Variants in AHDC1 observed in about 807,000 individuals in gnomAD.
AHDC1 encodes transcription factor Gibbin.
Under a neutral mutation model 87.9 loss-of-function variants are expected in AHDC1, and 7 were observed. The ratio of observed to expected loss-of-function variants is 0.08; its 90% CI spans 0.05 to 0.15. The LOEUF (loss-of-function observed/expected upper bound fraction) is 0.15. Among genes scored for constraint, AHDC1 ranks in the 10% least tolerant of loss-of-function variants. The pLI is 1.00. For synonymous variants in AHDC1, 1,051 were observed against 1,006.8 expected (o/e 1.04, Z -0.83); for missense variants, 1,841 against 2,253.2 (o/e 0.82, Z 3.70).
Position 27,549,087 on chromosome 1 carries a change from G to T in AHDC1, c.3029C>A (p.Ala1010Asp), listed in dbSNP as rs1437054566. Residue 1010 changes from alanine to aspartate, a missense_variant, in exon 8 of 9, where the codon GCC (alanine) becomes GAC (aspartate). Ala to Asp is a moderately radical substitution (Grantham distance 126). Around this residue, in one of 13 missense-constraint regions of AHDC1, gnomAD observed 378 missense variants for 399.0 expected, o/e 0.95. Transcript: ENST00000673934. Reference sequence around the variant, plus strand: ...GGCGCTGTGGGCGCTGCTGGGTGAGGCAGGGAGGCTGTTGCCACTGCCATA... The same window carrying T: ...GGCGCTGTGGGCGCTGCTGGGTGAGTCAGGGAGGCTGTTGCCACTGCCATA... ...FAYGSGNSLPASPSSAHSAGY... is the reference protein window; with the variant it reads ...FAYGSGNSLPDSPSSAHSAGY... 1.3e-6 allele frequency: 2 copies of T among 1,557,142 alleles called. No individual in the cohort carries two copies. Among genetic ancestry groups the T allele is most frequent in the Non-Finnish European group, 8.7e-7 (1 of 1,150,942 alleles).
intron 3 of AHDC1, among the ~76,000 whole-genome samples, chr1:27,587,816 C>T (rs147921638): frequency 4.9e-4 from 74 of 152,298 alleles, no homozygotes; most frequent in African/African-American, 1.7e-3. Context: ...CCTTGCACGA[C>T]GAACCTTGCT....
In AHDC1 at chr1:27,549,766, C is replaced by A. The variant is rs753810195; in HGVS notation, c.2350G>T (p.Gly784Cys). The stretch of plus-strand genomic sequence containing the variant: ...CCACAGTTTCGGCCAGCTTGTCCGC[C>A]TGGGTGCCCATGGTGAGGGGCCCAG... Reference protein sequence around the residue: ...GGWAPHHGHPGGQAGRNCGFQ... With the variant: ...GGWAPHHGHPCGQAGRNCGFQ... Residue 784 changes from glycine to cysteine, a missense_variant, in exon 8 of 9, where the codon GGC becomes TGC. Physicochemically the swap from Gly to Cys is radical, Grantham distance 159 (BLOSUM62 -3). This residue lies in a region of AHDC1 where 236 missense variants were observed against 257.9 expected (regional missense o/e 0.92). Coordinates refer to ENST00000673934, the MANE Select transcript of AHDC1 (RefSeq NM_001371928.1). The A allele has an allele frequency of 2.5e-6, 4 of 1,613,260 alleles. No individual in the cohort carries two copies. Among genetic ancestry groups the A allele is most frequent in the Non-Finnish European group, 8.5e-7 (1 of 1,179,964 alleles).
Position 27,558,785 on chromosome 1 carries a change from G to C in AHDC1, c.-530C>G, listed in dbSNP as rs1008578911. On this transcript the variant is annotated 5_prime_UTR_variant, in exon 4 of 9. Transcript: ENST00000673934. The surrounding 1 kb of genome is among the most constrained non-coding windows in gnomAD (Gnocchi z 5.6). Reference sequence around the variant, plus strand: ...GCATCTCCAGGGTGGTCTCTGCAACGGCCTGAGCGTCGCCCCGCACTCGGG... The same window carrying C: ...GCATCTCCAGGGTGGTCTCTGCAACCGCCTGAGCGTCGCCCCGCACTCGGG... The C allele has an allele frequency of 5.0e-6, 2 of 398,516 alleles. No homozygotes were observed. Among genetic ancestry groups the C allele is most frequent in the South Asian group, 1.3e-4 (1 of 7,852 alleles). The allele number at this position is 398,516 out of a possible 1,614,324, so 24.7% of individuals were successfully genotyped here. A position where few individuals can be genotyped will look rare whatever the true frequency, so the allele number is the denominator to read the frequency against.
rs756186545 is a variant in AHDC1 at position 27,551,280 on chromosome 1, T to G, written c.836A>C (p.Gln279Pro). ...PEPEPQLLDP[Q>P]PRFLDPQALE... ...TGCCTGCGGGTCCAGGAAGCGGGGCTGGGGGTCCAGGAGCTGAGGCTCCGG... is the reference window on the plus strand; with the variant it reads ...TGCCTGCGGGTCCAGGAAGCGGGGCGGGGGGTCCAGGAGCTGAGGCTCCGG... The change falls in exon 8 of 9, where the codon CAG becomes CCG. Residue 279 changes from glutamine (Q) to proline (P), a missense_variant. This residue lies in a region of AHDC1 where 370 missense variants were observed against 391.5 expected (regional missense o/e 0.95). Coordinates refer to ENST00000673934, the MANE Select transcript of AHDC1 (RefSeq NM_001371928.1). The G allele has an allele frequency of 6.2e-7, 1 of 1,610,724 alleles. No individual in the cohort carries two copies. The highest frequency in any genetic ancestry group is 1.1e-5 in the South Asian group (1 of 91,008).
chr1:27,539,480 C>T (rs1322135296), intron 8 of AHDC1, among the ~76,000 whole-genome samples: 2 of 151,260 alleles, frequency 1.3e-5, no homozygotes, highest in Non-Finnish European at 2.9e-5. Flanking sequence ...GAGTCTTGCT[C>T]TGTTGCCCAG....
At chr1:27,587,743 C>A (rs956115058) in intron 3 of AHDC1, among the ~76,000 whole-genome samples, 8 of 152,182 alleles carry the variant, frequency 5.3e-5, no homozygotes, top group African/African-American at 1.4e-4. Flanking sequence ...CAAGTGATAA[C>A]TGACAATAAT....
Position 27,550,060 on chromosome 1 carries a change from A to G in AHDC1, c.2056T>C (p.Ser686Pro). The G allele has an allele frequency of 6.2e-7, 1 of 1,606,720 alleles. No individual in the cohort carries two copies. The highest frequency in any genetic ancestry group is 8.5e-7 in the Non-Finnish European group (1 of 1,175,792). ...AAGTCACTGAAGGAGCATCGGGCTG[A>G]CTTGGCCGCATGGCCCCCACCCCGG... ...GGRGGGHAAK[S>P]ARCSFSDFFE... is the part of the protein sequence containing the mutation. The change falls in exon 8 of 9, where the codon TCA (serine) becomes CCA (proline). Residue 686 changes from serine to proline, a missense_variant. By Grantham distance (74) the Ser-to-Pro change is moderately conservative. Around this residue, in one of 13 missense-constraint regions of AHDC1, gnomAD observed 236 missense variants for 257.9 expected, o/e 0.92. Coordinates refer to ENST00000673934, the MANE Select transcript of AHDC1 (RefSeq NM_001371928.1).
chr1:27,566,650 G>A (rs936815309), intron 3 of AHDC1, among the ~76,000 whole-genome samples: 7 of 138,504 alleles, frequency 5.1e-5, no homozygotes, highest in Admixed American at 5.0e-4. Context: ...GGGGGGAACA[G>A]CAGTAGGCAG....
rs370786800 is a variant in AHDC1, at chr1:27,538,400, C to CAAAAAAAAAAAAAAAAAAAA, written c.*44-3485_*44-3484insTTTTTTTTTTTTTTTTTTTT. 6.6e-3 allele frequency among the ~76,000 whole-genome samples: 400 copies of CAAAAAAAAAAAAAAAAAAAA among 60,546 alleles called. 8 individuals are homozygous for CAAAAAAAAAAAAAAAAAAAA. The highest frequency in any genetic ancestry group is 0.011 in the Non-Finnish European group (312 of 27,466). 39.7% of individuals were successfully genotyped at this position (60,546 alleles called of 152,430 possible). On this transcript the variant is annotated intron_variant, in intron 8 of 8. Coordinates refer to ENST00000673934, the MANE Select transcript of AHDC1 (RefSeq NM_001371928.1). ...CCTGGGTGACAGAGCAAGACTGTCT[C>CAAAAAAAAAAAAAAAAAAAA]AAAAAAAAAAAAAAAAAACCAGAAA...
chr1:27,596,753 C>T (rs534179661), intron 3 of AHDC1, among the ~76,000 whole-genome samples: 12 of 152,136 alleles, frequency 7.9e-5, no homozygotes, highest in Non-Finnish European at 1.6e-4. Context: ...ATCACACATA[C>T]CCCACCCTGC....
intron 8 of AHDC1, among the ~76,000 whole-genome samples, chr1:27,545,918 G>A (rs1020040973): frequency 4.6e-5 from 7 of 152,154 alleles, no homozygotes; most frequent in Admixed American, 1.3e-4. Context: ...TGGTCCTCCC[G>A]GAGGCCTCCG....
In AHDC1 at chr1:27,598,418, C is replaced by T. The variant is rs1571352501; in HGVS notation, c.-629+4979G>A. ...GATCCTTGATGCCCACCTTCCTCATCCCCTGGCCAATGGAAGAGATGCTGG... is the reference window on the plus strand; with the variant it reads ...GATCCTTGATGCCCACCTTCCTCATTCCCTGGCCAATGGAAGAGATGCTGG... On this transcript the variant is annotated intron_variant, in intron 3 of 8. Coordinates refer to ENST00000673934, the MANE Select transcript of AHDC1 (RefSeq NM_001371928.1). This position sits in a 1 kb window ranked among gnomAD's most constrained non-coding sequence, Gnocchi z 4.2. Among the ~76,000 whole-genome samples, 3 of 152,284 alleles carry T rather than the reference C, an allele frequency of 2.0e-5. No individual in the cohort carries two copies. Among genetic ancestry groups the T allele is most frequent in the Admixed American group, 2.0e-4 (3 of 15,306 alleles).
Position 27,548,188 on chromosome 1 carries a change from G to A in AHDC1, c.3928C>T (p.Pro1310Ser). Reference sequence around the variant, plus strand: ...CTATAGTAGTCCAGGCCGAGGTCAGGACTGTCCTGGAACAGTGGGTTGACT... The same window carrying A: ...CTATAGTAGTCCAGGCCGAGGTCAGAACTGTCCTGGAACAGTGGGTTGACT... The part of the protein sequence containing the change: ...QPVNPLFQDS[P>S]DLGLDYYSGD... The change falls in exon 8 of 9, where the codon CCT becomes TCT. Residue 1310 changes from proline (P) to serine (S), a missense_variant. Pro to Ser is a moderately conservative substitution (Grantham distance 74). Transcript: ENST00000673934. 1 of 1,613,730 alleles carries A rather than the reference G, an allele frequency of 6.2e-7. No homozygotes were observed.
intron 1 of AHDC1, 80 bp from the exon 2 acceptor site, chr1:27,603,943 T>TC (rs2089614266): frequency 7.6e-6 from 1 of 131,926 alleles, no homozygotes; most frequent in Non-Finnish European, 1.6e-5. Context: ...TCTCCCTCCC[T>TC]CCCCCTCCTC....
rs1441801530 is a variant in AHDC1, at chr1:27,552,132, G to A, written c.-17C>T. 11 of 1,438,278 alleles carry A rather than the reference G, an allele frequency of 7.6e-6. No individual in the cohort carries two copies. Among genetic ancestry groups the A allele is most frequent in the African/African-American group, 5.8e-5 (4 of 69,522 alleles). 89.1% of individuals were successfully genotyped at this position (1,438,278 alleles called of 1,614,324 possible). On this transcript the variant is annotated 5_prime_UTR_variant, in exon 8 of 9. Transcript: ENST00000673934. ...CACACGCATCCTGACCTTGTCCTCC[G>A]CAGGCCGCCGGGCGGGGCCGGGGCT...
intron 8 of AHDC1, among the ~76,000 whole-genome samples, chr1:27,541,644 T>C (rs2018925744): frequency 6.6e-6 from 1 of 150,908 alleles, no homozygotes; most frequent in African/African-American, 2.4e-5. Context: ...TTTTTTTTTT[T>C]TGAGACAGAG....
chr1:27,575,543 G>C (rs2088699000), intron 3 of AHDC1, among the ~76,000 whole-genome samples: 1 of 151,926 alleles, frequency 6.6e-6, no homozygotes, highest in Admixed American at 6.5e-5. Flanking sequence ...CGCTTAGCTC[G>C]CTCCCCCGGC....
chr1:27,576,244 G>A (rs955466965), intron 3 of AHDC1, among the ~76,000 whole-genome samples: 10 of 152,248 alleles, frequency 6.6e-5, no homozygotes, highest in African/African-American at 2.2e-4. Flanking sequence ...TATAGGGTAG[G>A]TGCCATATAA....
In AHDC1 at chr1:27,563,581, G is replaced by A. The variant is rs926062412; in HGVS notation, c.-628-4698C>T. On this transcript the variant is annotated intron_variant, in intron 3 of 8. Transcript: ENST00000673934. The surrounding 1 kb of genome is among the most constrained non-coding windows in gnomAD (Gnocchi z 6.1). ...CACTGTCACCAGCCTGGGTGGTGCC[G>A]TCCCTCTGCCTGCAGAGGCGTCACA... Among the ~76,000 whole-genome samples the A allele has an allele frequency of 3.3e-5, 5 of 152,110 alleles. No homozygotes were observed. The highest frequency in any genetic ancestry group is 6.5e-5 in the Admixed American group (1 of 15,278).
Sources: allele counts gnomAD v4.1 joint callset (sites outside exome capture counted in the v4.1 genomes callset), GRCh38; gene constraint gnomAD v4.1.1; regional missense constraint gnomAD v4.1.1; non-coding constraint Gnocchi (gnomAD v3.1); transcripts MANE v1.5; gene names NCBI Gene and HGNC (gene_info 2026-07-23, HGNC 2026-07-21).